CLSTN2: variants seen among roughly 807,000 people sequenced by gnomAD.
CLSTN2 encodes calsyntenin-2.
CLSTN2 carries 48 observed loss-of-function variants against 101.2 expected under a neutral mutation model. The ratio of observed to expected loss-of-function variants is 0.47; its 90% CI spans 0.38 to 0.60. CLSTN2 has a LOEUF of 0.60. CLSTN2 is among the 20% of genes least tolerant of loss of function. The pLI, the probability that CLSTN2 is intolerant of heterozygous loss-of-function variation, is 0.00. For missense variants in CLSTN2, 1,160 were observed against 1,238.2 expected (o/e 0.94, Z 0.95); for synonymous variants, 481 against 463.6 (o/e 1.04, Z -0.48).
chr3:140,231,486 A>T (rs1032205894), intron 2 of CLSTN2, among the ~76,000 whole-genome samples: 1 of 152,206 alleles, frequency 6.6e-6, no homozygotes, highest in African/African-American at 2.4e-5. Flanking sequence ...ATTCAGGTCA[A>T]GGCAAGTCTA....
At chr3:140,029,389 T>C (rs566045986) in intron 1 of CLSTN2, among the ~76,000 whole-genome samples, 1 of 152,358 alleles carries the variant, frequency 6.6e-6, no homozygotes, top group East Asian at 1.9e-4. Flanking sequence ...ATGGTATGTA[T>C]ATGTTCTTAA....
chr3:140,197,720 C>T (rs542312686), intron 2 of CLSTN2, among the ~76,000 whole-genome samples: 7 of 152,280 alleles, frequency 4.6e-5, no homozygotes, highest in South Asian at 2.1e-4. Context: ...TGCAGCCAAA[C>T]GTCCTACAAT....
chr3:139,976,251 T>C (rs1935815972), intron 1 of CLSTN2, among the ~76,000 whole-genome samples: 1 of 152,166 alleles, frequency 6.6e-6, no homozygotes, highest in Admixed American at 6.5e-5. Flanking sequence ...TTTGCTGATG[T>C]ACCCTGATCC....
chr3:140,570,478 A>T lies in CLSTN2; in HGVS notation c.*4225A>T, dbSNP rs928268200. 1 of 152,192 alleles carries T rather than the reference A, an allele frequency of 6.6e-6. No homozygotes were observed. The highest frequency in any genetic ancestry group is 6.5e-5 in the Admixed American group (1 of 15,274). The allele number at this position is 152,192 out of a possible 1,614,324, so 9.4% of individuals were successfully genotyped here. A position where few individuals can be genotyped will look rare whatever the true frequency, so the allele number is the denominator to read the frequency against. On this transcript the variant is annotated 3_prime_UTR_variant, in exon 17 of 17. Transcript: ENST00000458420. ...TATGCATTTTATATAAAGGAATTGA[A>T]CATCTGTGGATTTTGGTGTCCGAGG...
intron 2 of CLSTN2, among the ~76,000 whole-genome samples, chr3:140,362,305 C>A (rs915063284): frequency 3.3e-5 from 5 of 152,020 alleles, no homozygotes; most frequent in Non-Finnish European, 5.9e-5. Flanking sequence ...GACACAAAGA[C>A]TAAAAATGGA....
At chr3:140,171,617 T>TTA (rs1261459617) in intron 1 of CLSTN2, among the ~76,000 whole-genome samples, 2 of 131,992 alleles carry the variant, frequency 1.5e-5, no homozygotes, top group East Asian at 2.0e-4. Flanking sequence ...GCATTATATA[T>TTA]TATATAATAT....
At chr3:140,407,898 T>C (rs1251791178) in intron 4 of CLSTN2, among the ~76,000 whole-genome samples, 1 of 152,146 alleles carries the variant, frequency 6.6e-6, no homozygotes, top group African/African-American at 2.4e-5. Flanking sequence ...CGCACCTCCT[T>C]GATGATAATT....
At chr3:140,184,154 T>A (rs2010451808) in intron 2 of CLSTN2, among the ~76,000 whole-genome samples, 1 of 152,212 alleles carries the variant, frequency 6.6e-6, no homozygotes, top group South Asian at 2.1e-4. Flanking sequence ...GTTCTCCGTG[T>A]GTTCTTCCAG....
chr3:140,418,880 C>T (rs2088460704), intron 4 of CLSTN2, among the ~76,000 whole-genome samples: 2 of 152,086 alleles, frequency 1.3e-5, no homozygotes, highest in African/African-American at 2.4e-5. Flanking sequence ...CATCAGTCAG[C>T]GTCCAGGACA....
At chr3:140,061,543 C>T (rs570914721) in intron 1 of CLSTN2, among the ~76,000 whole-genome samples, 2 of 152,316 alleles carry the variant, frequency 1.3e-5, no homozygotes, top group South Asian at 4.2e-4. Flanking sequence ...CAGTTGCTCT[C>T]CTATAGTGGG....
chr3:140,490,097 TATATATATATATATATATATACACACAC>T lies in CLSTN2; in HGVS notation c.1344+23368_1344+23395del, dbSNP rs1559884896. Among the ~76,000 whole-genome samples the T allele has an allele frequency of 3.8e-3, 43 of 11,298 alleles. 16 individuals carry two copies. Among genetic ancestry groups the T allele is most frequent in the African/African-American group, 0.02 (41 of 2,088 alleles). The allele number at this position is 11,298 out of a possible 152,430, so 7.4% of individuals were successfully genotyped here. A position where few individuals can be genotyped will look rare whatever the true frequency, so the allele number is the denominator to read the frequency against. On this transcript the variant is annotated intron_variant, in intron 8 of 16. Coordinates refer to ENST00000458420, the MANE Select transcript of CLSTN2 (RefSeq NM_022131.3). The stretch of plus-strand genomic sequence containing the variant: ...GTGTGTGTGTGTGTGTGTATATATA[TATATATATATATATATATATACACACAC>T]ACACACACACACACACACACACACA...
In CLSTN2 at chr3:140,072,562, A is replaced by G. The variant is rs533828574; in HGVS notation, c.110-103389A>G. On this transcript the variant is annotated intron_variant, in intron 1 of 16. Coordinates refer to ENST00000458420, the MANE Select transcript of CLSTN2 (RefSeq NM_022131.3). ...GACACAGATTCAATTTATATGTAAC[A>G]TCTATGTTTTAGTCTAATAATACTA... 3.0e-4 allele frequency among the ~76,000 whole-genome samples: 45 copies of G among 152,328 alleles called. 2 individuals carry two copies. Among genetic ancestry groups the G allele is most frequent in the Middle Eastern group, 3.4e-3 (1 of 294 alleles).
intron 8 of CLSTN2, among the ~76,000 whole-genome samples, chr3:140,524,174 G>A (rs764461589): frequency 6.6e-6 from 1 of 152,226 alleles, no homozygotes; most frequent in Non-Finnish European, 1.5e-5. Context: ...GGGATCACAG[G>A]AGAGGGAGCA....
At chr3:140,117,563 G>T (rs565509341) in intron 1 of CLSTN2, among the ~76,000 whole-genome samples, 2 of 152,142 alleles carry the variant, frequency 1.3e-5, no homozygotes, top group Admixed American at 6.5e-5. Flanking sequence ...AAGGTGGGTC[G>T]CCTCTTGGGG....
At chr3:139,937,163 T>C (rs1239159233) in intron 1 of CLSTN2, among the ~76,000 whole-genome samples, 2 of 152,226 alleles carry the variant, frequency 1.3e-5, no homozygotes, top group East Asian at 3.9e-4. Flanking sequence ...TATAAGCAGA[T>C]GTCTGCAAAC....
chr3:140,513,583 C>CT (rs55778787), intron 8 of CLSTN2, among the ~76,000 whole-genome samples: 51,952 of 117,460 alleles, frequency 0.44, 11,666 homozygotes, highest in Middle Eastern at 0.61. Flanking sequence ...TTTTTTCTTT[C>CT]TTTTTTTTTT....
Position 140,182,214 on chromosome 3 carries a change from A to T in CLSTN2, c.232+6141A>T, listed in dbSNP as rs115763437. ...TATTCGGTTGTATTTTATTTAGGTTATTCTCTATTCAAGGCAAGGATTGCT... is the reference window on the plus strand; with the variant it reads ...TATTCGGTTGTATTTTATTTAGGTTTTTCTCTATTCAAGGCAAGGATTGCT... On this transcript the variant is annotated intron_variant, in intron 2 of 16. Coordinates refer to ENST00000458420, the MANE Select transcript of CLSTN2 (RefSeq NM_022131.3). Among the ~76,000 whole-genome samples, 570 of 152,338 alleles carry T rather than the reference A, an allele frequency of 3.7e-3. 4 individuals carry two copies. The highest frequency in any genetic ancestry group is 6.3e-3 in the Non-Finnish European group (427 of 68,038).
At chr3:140,472,432 G>A (rs1234899286) in intron 8 of CLSTN2, among the ~76,000 whole-genome samples, 1 of 152,238 alleles carries the variant, frequency 6.6e-6, no homozygotes, top group Non-Finnish European at 1.5e-5. Flanking sequence ...AAATAGGTTA[G>A]TTCAATCATT....
intron 8 of CLSTN2, among the ~76,000 whole-genome samples, chr3:140,518,825 C>T (rs1934971838): frequency 6.6e-6 from 1 of 152,178 alleles, no homozygotes; most frequent in Non-Finnish European, 1.5e-5. Context: ...TTAGTCCTGC[C>T]TCCTATCTGT....
Sources: gnomAD v4.1 joint callset for allele counts (sites outside exome capture counted in the v4.1 genomes callset) on GRCh38, gnomAD v4.1.1 for gene constraint, MANE v1.5 for transcripts, NCBI Gene and HGNC (gene_info 2026-07-23, HGNC 2026-07-21) for gene names.